XPNPEP1: variants seen among roughly 807,000 people sequenced by gnomAD.
XPNPEP1 encodes xaa-Pro aminopeptidase 1.
Under a neutral mutation model 92.4 loss-of-function variants are expected in XPNPEP1, and 39 were observed. The ratio of observed to expected loss-of-function variants is 0.42; its 90% CI spans 0.33 to 0.55. The LOEUF (loss-of-function observed/expected upper bound fraction) is 0.55, where lower values mean the gene tolerates loss of function less well. XPNPEP1 is among the 20% of genes least tolerant of loss of function. The pLI, the probability that XPNPEP1 is intolerant of heterozygous loss-of-function variation, is 0.08. For synonymous variants in XPNPEP1, 307 were observed against 299.4 expected (o/e 1.03, Z -0.26); for missense variants, 654 against 856.1 (o/e 0.76, Z 2.95).
chr10:109,895,772 T>C (rs1272113682), intron 3 of XPNPEP1, among the ~76,000 whole-genome samples: 1 of 152,138 alleles, frequency 6.6e-6, no homozygotes, highest in African/African-American at 2.4e-5. Flanking sequence ...CACCCACTTC[T>C]CTCCATTTCT....
chr10:109,888,407 C>A (rs1848517500), intron 6 of XPNPEP1, 96 bp downstream of exon 6: 6 of 1,322,292 alleles, frequency 4.5e-6, no homozygotes, highest in Non-Finnish European at 6.2e-6. Context: ...ATGCTGAGCC[C>A]CCCAGTGCTC....
chr10:109,866,994 G>A (rs1847180900), intron 20 of XPNPEP1, among the ~76,000 whole-genome samples: 1 of 152,226 alleles, frequency 6.6e-6, no homozygotes, highest in Non-Finnish European at 1.5e-5. Flanking sequence ...CCTGGATAAA[G>A]GGGAATGTCA....
Position 109,873,385 on chromosome 10 carries a change from G to A in XPNPEP1, c.1434C>T (p.Thr478=). ...ACCTTACCTTCTCGTAGGCTGTAGGGGTCCCAAAATGCATTGTCCGCGTCA... is the reference window on the plus strand; with the variant it reads ...ACCTTACCTTCTCGTAGGCTGTAGGAGTCCCAAAATGCATTGTCCGCGTCA... ...TDVTRTMHFG[T]PTAYEKECFT... is the part of the protein sequence containing the mutation. Residue 478 remains threonine, a synonymous_variant, in exon 16 of 21, where the codon ACC becomes ACT. Transcript: ENST00000502935. The A allele has an allele frequency of 6.2e-7, 1 of 1,614,078 alleles. No homozygotes were observed. The highest frequency in any genetic ancestry group is 8.5e-7 in the Non-Finnish European group (1 of 1,180,026).
chr10:109,907,792 T>A lies in XPNPEP1; in HGVS notation c.145A>T (p.Thr49Ser). ...CTCAGCTGCCGAAGCAGCTCTGAAG[T>A]CACCTTTGGAGGCATTCTGCCGTCT... is the stretch of plus-strand genomic sequence containing the variant. Reference protein sequence around the residue: ...ETDGRMPPKVTSELLRQLRQA... With the variant: ...ETDGRMPPKVSSELLRQLRQA... The change falls in exon 3 of 21, where the codon ACT becomes TCT. Residue 49 changes from threonine to serine, a missense_variant. Transcript: ENST00000502935. 1 of 1,614,202 alleles carries A rather than the reference T, an allele frequency of 6.2e-7. No individual in the cohort carries two copies. Among genetic ancestry groups the A allele is most frequent in the Non-Finnish European group, 8.5e-7 (1 of 1,180,022 alleles).
intron 3 of XPNPEP1, chr10:109,893,485 CTT>C (rs1848812703): frequency 6.1e-6 from 1 of 163,334 alleles, no homozygotes; most frequent in Non-Finnish European, 1.3e-5. Flanking sequence ...AATTCCCTAA[CTT>C]AAGTTTCTGT....
intron 3 of XPNPEP1, among the ~76,000 whole-genome samples, chr10:109,906,542 A>T (rs764627044): frequency 3.9e-5 from 6 of 152,140 alleles, no homozygotes; most frequent in Non-Finnish European, 8.8e-5. Flanking sequence ...CACCATTCAC[A>T]ATCTGGAGTT....
In XPNPEP1 at chr10:109,880,912, G is replaced by C; in HGVS notation, c.1061C>G (p.Pro354Arg). Residue 354 changes from proline to arginine, a missense_variant, in exon 11 of 21, where the codon CCT (proline) becomes CGT (arginine). Physicochemically the swap from Pro to Arg is moderately radical, Grantham distance 103. Transcript: ENST00000502935. ...TTTGGCGATGCAGATGGGGGTGTAA[G>C]GCATACAGCAGCGGTGGTCCTAGAG... ...TIPKDHRCCM[P>R]YTPICIAKAV... 1 of 1,614,052 alleles carries C rather than the reference G, an allele frequency of 6.2e-7. No homozygotes were observed. Among genetic ancestry groups the C allele is most frequent in the African/African-American group, 1.3e-5 (1 of 75,028 alleles).
chr10:109,874,097 G>A (rs1847640358), intron 15 of XPNPEP1, among the ~76,000 whole-genome samples: 1 of 152,110 alleles, frequency 6.6e-6, no homozygotes, highest in South Asian at 2.1e-4. Flanking sequence ...AAAATTAATT[G>A]TATATTTTAA....
chr10:109,887,893 C>T (rs1457098907), intron 7 of XPNPEP1, among the ~76,000 whole-genome samples, 156 bp downstream of exon 7: 3 of 152,238 alleles, frequency 2.0e-5, no homozygotes, highest in Non-Finnish European at 4.4e-5. Flanking sequence ...ACAAACAAAG[C>T]TCCTGCTTCT....
intron 3 of XPNPEP1, among the ~76,000 whole-genome samples, chr10:109,904,200 G>A (rs1414004836): frequency 6.7e-6 from 1 of 148,790 alleles, no homozygotes; most frequent in Non-Finnish European, 1.5e-5. Context: ...ACCTCACCAA[G>A]TCTATCCTTA....
At chr10:109,917,971 G>C (rs200853013) in intron 1 of XPNPEP1, among the ~76,000 whole-genome samples, 123 of 152,190 alleles carry the variant, frequency 8.1e-4, no homozygotes, top group East Asian at 5.6e-3. Flanking sequence ...AAATTAGTCA[G>C]GCATGGTGGT....
At chr10:109,884,242 G>T in intron 8 of XPNPEP1, 94 bp from the exon 9 acceptor site, 1 of 1,213,492 alleles carries the variant, frequency 8.2e-7, no homozygotes, top group Non-Finnish European at 1.2e-6. Flanking sequence ...TTGGAGTCCA[G>T]CTGCTGCGCA....
At chr10:109,873,603 T>C (rs1847609804) in intron 15 of XPNPEP1, 176 bp from the exon 16 acceptor site, 3 of 614,410 alleles carry the variant, frequency 4.9e-6, no homozygotes, top group Admixed American at 5.8e-5. Context: ...ATAGTCACCA[T>C]ATGACCCAGT....
chr10:109,902,436 T>C lies in XPNPEP1; in HGVS notation c.246+5255A>G, dbSNP rs1216127684. ...TGCCTGATGTCAAGCAACTAGTAAG[T>C]AGCAAATCTGGCATCTGAACCCAGA... On this transcript the variant is annotated intron_variant, in intron 3 of 20. Coordinates refer to ENST00000502935, the MANE Select transcript of XPNPEP1 (RefSeq NM_020383.4). Among the ~76,000 whole-genome samples, 9 of 152,352 alleles carry C rather than the reference T, an allele frequency of 5.9e-5. No individual in the cohort carries two copies. In the East Asian group the frequency reaches 1.7e-3, roughly 29 times the overall value.
chr10:109,883,453 C>T (rs577459623), intron 9 of XPNPEP1, among the ~76,000 whole-genome samples: 1 of 152,306 alleles, frequency 6.6e-6, no homozygotes, highest in African/African-American at 2.4e-5. Flanking sequence ...GTCCCACAAG[C>T]AGACTGGTGC....
intron 1 of XPNPEP1, among the ~76,000 whole-genome samples, chr10:109,921,979 A>G (rs1850567985): frequency 1.3e-5 from 2 of 152,224 alleles, no homozygotes; most frequent in African/African-American, 4.8e-5. Context: ...CTGAGAATGA[A>G]GCGGATACTG....
intron 9 of XPNPEP1, among the ~76,000 whole-genome samples, chr10:109,883,463 C>G (rs1163492770): frequency 6.6e-6 from 1 of 152,166 alleles, no homozygotes; most frequent in Admixed American, 6.5e-5. Context: ...CAGACTGGTG[C>G]CCACTTATGT....
intron 2 of XPNPEP1, among the ~76,000 whole-genome samples, chr10:109,908,432 G>A (rs575705686): frequency 1.3e-5 from 2 of 152,182 alleles, no homozygotes; most frequent in Admixed American, 1.3e-4. Flanking sequence ...GTGAAACCCC[G>A]TCTCTACAAA....
At chr10:109,893,913 T>C (rs1848837041) in intron 3 of XPNPEP1, 1 of 152,222 alleles carries the variant, frequency 6.6e-6, no homozygotes, top group African/African-American at 2.4e-5. Context: ...TGCCAATGCA[T>C]GACACTTTAT....
Sources: gnomAD v4.1 joint callset for allele counts (sites outside exome capture counted in the v4.1 genomes callset) on GRCh38, gnomAD v4.1.1 for gene constraint, MANE v1.5 for transcripts, NCBI Gene and HGNC (gene_info 2026-07-23, HGNC 2026-07-21) for gene names.